Variants in DLC1 observed in about 807,000 individuals in gnomAD.
DLC1 encodes the protein DLC1 Rho GTPase activating protein, also known as rho GTPase-activating protein 7.
In DLC1, 54 loss-of-function variants were observed where a neutral mutation model predicts 140.3. That is an observed-to-expected ratio of 0.38 (90% CI 0.31 to 0.48). The LOEUF is 0.48. DLC1 is among the 20% of genes least tolerant of loss of function. The pLI, the probability that DLC1 is intolerant of heterozygous loss-of-function variation, is 0.96. For synonymous variants in DLC1, 986 were observed against 728.1 expected (o/e 1.35, Z -5.70); for missense variants, 2,536 against 1,907.0 (o/e 1.33, Z -6.14).
At chr8:13,510,415 G>T (rs1802309142) in intron 1 of DLC1, among the ~76,000 whole-genome samples, 1 of 152,114 alleles carries the variant, frequency 6.6e-6, no homozygotes, top group Non-Finnish European at 1.5e-5. Flanking sequence ...GACCTCAGGT[G>T]ATCTGACTGC....
intron 4 of DLC1, among the ~76,000 whole-genome samples, chr8:13,389,096 C>T (rs949128206): frequency 6.6e-6 from 1 of 152,026 alleles, no homozygotes; most frequent in Non-Finnish European, 1.5e-5. Flanking sequence ...GAATGCTAGA[C>T]TCTCCTTGTT....
intron 5 of DLC1, among the ~76,000 whole-genome samples, chr8:13,259,278 T>G (rs79291517): frequency 6.6e-6 from 1 of 151,396 alleles, no homozygotes; most frequent in African/African-American, 2.4e-5. Context: ...TCCAACACAA[T>G]AAATTATAAA....
intron 5 of DLC1, among the ~76,000 whole-genome samples, chr8:13,120,616 C>G (rs969011764): frequency 3.3e-5 from 5 of 151,646 alleles, no homozygotes; most frequent in African/African-American, 1.2e-4. Flanking sequence ...AAAAATGCCA[C>G]TAGAAACTAA....
At chr8:13,528,549 C>T (rs1050956746) in intron 1 of DLC1, among the ~76,000 whole-genome samples, 15 of 151,964 alleles carry the variant, frequency 9.9e-5, no homozygotes, top group East Asian at 3.9e-4. Context: ...AATCCTATTG[C>T]GGAATAAAAT....
intron 4 of DLC1, among the ~76,000 whole-genome samples, chr8:13,379,499 G>A (rs1836157057): frequency 6.6e-6 from 1 of 152,182 alleles, no homozygotes; most frequent in African/African-American, 2.4e-5. Context: ...AGCCTATTTT[G>A]TAAGTGTCGA....
intron 2 of DLC1, among the ~76,000 whole-genome samples, chr8:13,448,285 G>T (rs952185947): frequency 9.2e-5 from 14 of 152,156 alleles, no homozygotes; most frequent in Admixed American, 3.9e-4. Context: ...ATATATTCGA[G>T]CAATAGTCAT....
Position 13,090,434 on chromosome 8 carries a change from T to C in DLC1, c.3892A>G (p.Thr1298Ala), listed in dbSNP as rs1817956123. The change falls in exon 15 of 18, where the codon ACC becomes GCC. Residue 1298 changes from threonine (T) to alanine (A), a missense_variant. Physicochemically the swap from Thr to Ala is moderately conservative, Grantham distance 58. Coordinates refer to ENST00000276297, the MANE Select transcript of DLC1 (RefSeq NM_182643.3). The stretch of plus-strand genomic sequence containing the variant: ...GTGAGGGGCTTCAGCTCTTGTTCGG[T>C]ATAGGAATTACGACATCGGCTCATT... ...EEMSRCRNSY[T>A]EQELKPLTLE... is the part of the protein sequence containing the mutation. 6.2e-7 allele frequency: 1 copy of C among 1,614,124 alleles called. No individual in the cohort carries two copies. The highest frequency in any genetic ancestry group is 8.5e-7 in the Non-Finnish European group (1 of 1,180,028).
chr8:13,198,198 G>T (rs573541604), intron 5 of DLC1, among the ~76,000 whole-genome samples: 1 of 152,156 alleles, frequency 6.6e-6, no homozygotes, highest in African/African-American at 2.4e-5. Context: ...GTGTGATCTG[G>T]GCTAATAATT....
At chr8:13,437,907 G>T (rs933779528) in intron 2 of DLC1, among the ~76,000 whole-genome samples, 1 of 151,784 alleles carries the variant, frequency 6.6e-6, no homozygotes. Flanking sequence ...AGACTAATGG[G>T]TCCCTGATTT....
intron 17 of DLC1, 76 bp from the exon 18 acceptor site, chr8:13,086,007 T>A (rs1817525792): frequency 6.3e-7 from 1 of 1,576,238 alleles, no homozygotes. Flanking sequence ...AAACATCTGT[T>A]TGCTAGTTCA....
intron 5 of DLC1, among the ~76,000 whole-genome samples, chr8:13,188,646 C>T (rs112597521): frequency 0.16 from 21,278 of 134,966 alleles, 1,980 homozygotes; most frequent in South Asian, 0.22. Context: ...GCTCTGTAGC[C>T]CAGGCTGAAG....
At chr8:13,363,060 G>T (rs1047806437) in intron 4 of DLC1, among the ~76,000 whole-genome samples, 2 of 152,116 alleles carry the variant, frequency 1.3e-5, no homozygotes, top group Non-Finnish European at 2.9e-5. Flanking sequence ...ATACAATATT[G>T]GTCTTTGCCA....
chr8:13,268,440 G>A (rs748385737), intron 5 of DLC1, among the ~76,000 whole-genome samples: 3 of 151,954 alleles, frequency 2.0e-5, no homozygotes, highest in Admixed American at 1.3e-4. Flanking sequence ...TCAGTCTCCC[G>A]AGTAGCTGGG....
chr8:13,242,781 G>C (rs1243705591), intron 5 of DLC1, among the ~76,000 whole-genome samples: 2 of 152,064 alleles, frequency 1.3e-5, no homozygotes, highest in African/African-American at 2.4e-5. Flanking sequence ...AAATCAGAAG[G>C]AATTGAAATC....
intron 2 of DLC1, among the ~76,000 whole-genome samples, chr8:13,415,695 G>A (rs542871225): frequency 7.9e-5 from 12 of 152,096 alleles, no homozygotes; most frequent in African/African-American, 2.2e-4. Context: ...CACTGCAACC[G>A]GCTGATTTAA....
intron 5 of DLC1, among the ~76,000 whole-genome samples, chr8:13,237,515 G>A (rs1277591370): frequency 6.6e-6 from 1 of 151,688 alleles, no homozygotes; most frequent in Non-Finnish European, 1.5e-5. Context: ...TGGTTGCATG[G>A]ATGGCTTCTT....
At chr8:13,551,075 C>CACA (rs71207163) in intron 1 of DLC1, among the ~76,000 whole-genome samples, 3 of 121,678 alleles carry the variant, frequency 2.5e-5, no homozygotes, top group African/African-American at 9.1e-5. Flanking sequence ...CACACACACA[C>CACA]TTTTTTTTTT....
chr8:13,354,952 C>CAAAAAAAAAAAAAAAAAA, intron 4 of DLC1, among the ~76,000 whole-genome samples: 1 of 106,980 alleles, frequency 9.3e-6, no homozygotes, highest in Admixed American at 9.6e-5. Context: ...GACACTGGCT[C>CAAAAAAAAAAAAAAAAAA]AAAAAAAAAA....
chr8:13,128,061 A>T (rs1192365215), intron 5 of DLC1, among the ~76,000 whole-genome samples: 1 of 152,058 alleles, frequency 6.6e-6, no homozygotes, highest in African/African-American at 2.4e-5. Flanking sequence ...AACCCCAAAA[A>T]AACAACAACC....
Sources: allele counts gnomAD v4.1 joint callset (sites outside exome capture counted in the v4.1 genomes callset), GRCh38; gene constraint gnomAD v4.1.1; transcripts MANE v1.5; gene names NCBI Gene and HGNC (gene_info 2026-07-23, HGNC 2026-07-21).